The following IQCJ variants were observed in gnomAD, a reference collection of about 807,000 sequenced individuals.
The protein encoded by IQCJ is IQ domain-containing protein J.
Under a neutral mutation model 11.0 loss-of-function variants are expected in IQCJ, and 9 were observed. The ratio of observed to expected loss-of-function variants is 0.82; its 90% confidence interval spans 0.49 to 1.43. The LOEUF (loss-of-function observed/expected upper bound fraction) is 1.43. Ranked by LOEUF, IQCJ falls within the 40% of genes most tolerant of loss-of-function variation. The pLI, the probability that IQCJ is intolerant of heterozygous loss-of-function variation, is 0.00. For synonymous variants in IQCJ, 55 were observed against 51.3 expected, an observed-to-expected ratio of 1.07 and a Z score of -0.31; for missense variants, 146 against 133.2, an observed-to-expected ratio of 1.10 and a Z score of -0.47.
chr3:159,186,274 G>C (rs1452221709), intron 1 of IQCJ, among the ~76,000 whole-genome samples: 1 of 152,194 alleles, frequency 6.6e-6, no homozygotes, highest in African/African-American at 2.4e-5. Flanking sequence ...TGGACATTAA[G>C]ACTAGTGAAT....
intron 1 of IQCJ, among the ~76,000 whole-genome samples, chr3:159,243,801 G>A (rs1305907679): frequency 6.6e-6 from 1 of 152,190 alleles, no homozygotes; most frequent in African/African-American, 2.4e-5. Flanking sequence ...AGACCACTCA[G>A]GTTATTATAT....
chr3:159,120,025 A>G (rs1300535692), intron 1 of IQCJ, among the ~76,000 whole-genome samples: 2 of 152,212 alleles, frequency 1.3e-5, no homozygotes, highest in Non-Finnish European at 2.9e-5. Context: ...CATGCCTTCA[A>G]TATATTTACT....
chr3:159,265,814 A>G (rs745818536), downstream of IQCJ: 1 of 157,770 alleles, frequency 6.3e-6, no homozygotes, highest in Non-Finnish European at 1.4e-5. Context: ...CCCCACGCCC[A>G]TAACTGCAAT....
intron 1 of IQCJ, among the ~76,000 whole-genome samples, chr3:159,103,931 C>T (rs1718084714): frequency 6.6e-6 from 1 of 152,242 alleles, no homozygotes; most frequent in African/African-American, 2.4e-5. Context: ...AAATTGCATA[C>T]ACCTATGTGG....
intron 1 of IQCJ, among the ~76,000 whole-genome samples, chr3:159,117,153 C>A (rs34528089): frequency 3.3e-5 from 5 of 152,214 alleles, no homozygotes; most frequent in African/African-American, 1.2e-4. Flanking sequence ...CAACCCCCAA[C>A]TAAAGCCCAC....
intron 1 of IQCJ, among the ~76,000 whole-genome samples, chr3:159,114,014 TG>T (rs141595323): frequency 0.013 from 1,972 of 152,288 alleles, 14 homozygotes; most frequent in Non-Finnish European, 0.022. Flanking sequence ...AGGGTGATTT[TG>T]TTATTATTTT....
chr3:159,187,708 T>C (rs1249425308), intron 1 of IQCJ, among the ~76,000 whole-genome samples: 1 of 152,242 alleles, frequency 6.6e-6, no homozygotes, highest in Non-Finnish European at 1.5e-5. Flanking sequence ...TTTTTCAGCA[T>C]AGTTCCCTTT....
At chr3:159,245,071 T>A (rs1183793449) in intron 1 of IQCJ, among the ~76,000 whole-genome samples, 1 of 151,902 alleles carries the variant, frequency 6.6e-6, no homozygotes, top group Non-Finnish European at 1.5e-5. Flanking sequence ...GCCAGAGAAA[T>A]GAGATTACAG....
Position 159,072,125 on chromosome 3 carries a change from A to G in IQCJ, c.9+2684A>G, listed in dbSNP as rs77120684. On this transcript the variant is annotated intron_variant, in intron 1 of 3. Coordinates refer to ENST00000397832, the MANE Select transcript of IQCJ (RefSeq NM_001042706.3). ...ATACCATTCCTGCTATTTCATTATTAACCATTATTTATGGAGGCAAGACAC... is the reference window on the plus strand; with the variant it reads ...ATACCATTCCTGCTATTTCATTATTGACCATTATTTATGGAGGCAAGACAC... Among the ~76,000 whole-genome samples the G allele has an allele frequency of 5.0e-3, 768 of 152,242 alleles. 5 individuals carry two copies. The highest frequency in any genetic ancestry group is 0.018 in the African/African-American group (728 of 41,550).
At chr3:159,214,871 T>C (rs1384503447) in intron 1 of IQCJ, among the ~76,000 whole-genome samples, 2 of 152,206 alleles carry the variant, frequency 1.3e-5, no homozygotes, top group Non-Finnish European at 2.9e-5. Context: ...AAAAACTGTA[T>C]CCAGCAAGTC....
chr3:159,260,629 G>A lies in IQCJ; in HGVS notation c.156-1919G>A, dbSNP rs143791797. Among the ~76,000 whole-genome samples the A allele has an allele frequency of 2.8e-3, 420 of 152,216 alleles. 2 individuals carry two copies. The highest frequency in any genetic ancestry group is 6.8e-3 in the Middle Eastern group (2 of 292). ...AGAAGCAAGAAGACCACCAAACTCA[G>A]GCAGGCAATCTTATGGGACTCCCTT... On this transcript the variant is annotated intron_variant, in intron 3 of 3. Transcript: ENST00000397832.
At chr3:159,232,585 G>A (rs941284646) in intron 1 of IQCJ, among the ~76,000 whole-genome samples, 2 of 151,294 alleles carry the variant, frequency 1.3e-5, no homozygotes, top group Non-Finnish European at 2.9e-5. Context: ...TGGTCTGAGA[G>A]ACAGTTTGTT....
intron 1 of IQCJ, among the ~76,000 whole-genome samples, chr3:159,129,809 T>C (rs1000470708): frequency 6.6e-6 from 1 of 152,146 alleles, no homozygotes; most frequent in Non-Finnish European, 1.5e-5. Context: ...TCACCCAGTT[T>C]CCCCCAGTGG....
chr3:159,110,771 C>T (rs1186201900), intron 1 of IQCJ, among the ~76,000 whole-genome samples: 2 of 152,142 alleles, frequency 1.3e-5, no homozygotes, highest in Admixed American at 1.3e-4. Context: ...CATAAACGGG[C>T]CCAAGGATTC....
chr3:159,180,032 C>G (rs145775337), intron 1 of IQCJ, among the ~76,000 whole-genome samples: 67 of 152,276 alleles, frequency 4.4e-4, no homozygotes, highest in Non-Finnish European at 8.2e-4. Context: ...TTAGAAGAAG[C>G]AAAGCTTTCA....
chr3:159,258,542 T>C (rs968567525), intron 3 of IQCJ, among the ~76,000 whole-genome samples: 1 of 152,118 alleles, frequency 6.6e-6, no homozygotes, highest in Non-Finnish European at 1.5e-5. Flanking sequence ...GTGGTAAGGA[T>C]TGAATGAGAG....
intron 1 of IQCJ, among the ~76,000 whole-genome samples, chr3:159,166,572 T>G (rs115856925): frequency 0.021 from 3,225 of 152,294 alleles, 122 homozygotes; most frequent in African/African-American, 0.074. Context: ...ATAAATTAAG[T>G]GATTTAATAT....
At chr3:159,198,695 T>C (rs6782119) in intron 1 of IQCJ, among the ~76,000 whole-genome samples, 43,410 of 152,046 alleles carry the variant, frequency 0.29, 7,578 homozygotes, top group African/African-American at 0.48. Context: ...GGCTTCTTTT[T>C]GCTGTATTAG....
intron 1 of IQCJ, among the ~76,000 whole-genome samples, chr3:159,116,667 T>TATAC (rs1301596172): frequency 1.1e-4 from 2 of 17,760 alleles, no homozygotes; most frequent in Non-Finnish European, 2.3e-4. Context: ...TATATATATA[T>TATAC]ATACACCCTT....
Sources: gnomAD v4.1 joint callset for allele counts (sites outside exome capture counted in the v4.1 genomes callset) on GRCh38, gnomAD v4.1.1 for gene constraint, MANE v1.5 for transcripts, NCBI Gene and HGNC (gene_info 2026-07-23, HGNC 2026-07-21) for gene names.